TLN2: variants seen among roughly 807,000 people sequenced by gnomAD.
TLN2 encodes the protein talin-2.
Under a neutral mutation model 294.7 loss-of-function variants are expected in TLN2, and 118 were observed. The observed-to-expected ratio is 0.40, with a 90% CI of 0.34 to 0.47. TLN2 has a LOEUF of 0.47. TLN2 is among the 20% of genes least tolerant of loss of function. The probability of loss-of-function intolerance (pLI) is 0.84; values close to 1 mark genes in which losing one functional copy is unlikely to be tolerated. For synonymous variants in TLN2, 1,431 were observed against 1,304.5 expected (o/e 1.10, Z -2.09); for missense variants, 3,083 against 3,282.2 (o/e 0.94, Z 1.48).
At chr15:62,793,255 G>C (rs576243195) in intron 46 of TLN2, among the ~76,000 whole-genome samples, 1 of 152,336 alleles carries the variant, frequency 6.6e-6, no homozygotes, top group African/African-American at 2.4e-5. Flanking sequence ...CAGTGAAGTG[G>C]GGGTGGGTTA....
At chr15:62,544,660 A>C (rs761404012) in intron 1 of TLN2, among the ~76,000 whole-genome samples, 58 of 151,950 alleles carry the variant, frequency 3.8e-4, no homozygotes, top group Non-Finnish European at 1.3e-4. Context: ...TTTTTCCATC[A>C]ACTCTGTCAT....
chr15:62,391,092 T>A (rs1428757445), intron 1 of TLN2, among the ~76,000 whole-genome samples: 8 of 152,068 alleles, frequency 5.3e-5, no homozygotes, highest in Admixed American at 2.0e-4. Flanking sequence ...GCATAGAGTG[T>A]CCCCTCGACC....
intron 12 of TLN2, among the ~76,000 whole-genome samples, chr15:62,689,886 A>AC (rs200050960): frequency 1.7e-4 from 1 of 6,026 alleles, no homozygotes; most frequent in East Asian, 5.7e-3. Flanking sequence ...TTATTGGCTG[A>AC]CCCCCCTTCC....
chr15:62,468,307 T>C (rs2037257431), intron 1 of TLN2, among the ~76,000 whole-genome samples: 1 of 152,178 alleles, frequency 6.6e-6, no homozygotes, highest in South Asian at 2.1e-4. Context: ...AACAGAATGA[T>C]GACAAGGGTG....
intron 1 of TLN2, among the ~76,000 whole-genome samples, chr15:62,396,679 A>G (rs2032577709): frequency 6.6e-6 from 1 of 151,788 alleles, no homozygotes. Context: ...AGGAAGACCA[A>G]CAGTGCAGGG....
chr15:62,714,581 G>A (rs2059651576), intron 22 of TLN2, among the ~76,000 whole-genome samples: 1 of 152,036 alleles, frequency 6.6e-6, no homozygotes, highest in African/African-American at 2.4e-5. Flanking sequence ...TTTCTTCTAA[G>A]TATTCATGTG....
intron 1 of TLN2, among the ~76,000 whole-genome samples, chr15:62,438,282 GTT>G (rs1299389750): frequency 7.0e-6 from 1 of 143,464 alleles, no homozygotes; most frequent in Non-Finnish European, 1.5e-5. Flanking sequence ...TTGGCAGAAT[GTT>G]TAAAGGGAGT....
At chr15:62,576,507 A>G (rs1414035745) in intron 1 of TLN2, among the ~76,000 whole-genome samples, 1 of 151,724 alleles carries the variant, frequency 6.6e-6, no homozygotes, top group Admixed American at 6.6e-5. Context: ...ATCTCATCCA[A>G]GGGGCAGGGA....
chr15:62,559,577 G>A (rs1057427128), intron 1 of TLN2, among the ~76,000 whole-genome samples: 4 of 152,204 alleles, frequency 2.6e-5, no homozygotes, highest in African/African-American at 7.2e-5. Context: ...ATCTAATAGA[G>A]GGTTTGGTCT....
At chr15:62,690,983 C>G (rs549026678) in intron 12 of TLN2, among the ~76,000 whole-genome samples, 15,239 of 141,292 alleles carry the variant, frequency 0.11, 1,590 homozygotes, top group African/African-American at 0.28. Context: ...AGCTTCGGCT[C>G]GGCATCAGAG....
At chr15:62,472,878 G>A (rs891594982) in intron 1 of TLN2, among the ~76,000 whole-genome samples, 1 of 152,224 alleles carries the variant, frequency 6.6e-6, no homozygotes, top group African/African-American at 2.4e-5. Context: ...GGAGAGGCAA[G>A]GAAGCCAGGC....
chr15:62,754,146 A>G, intron 36 of TLN2: 1 of 466,890 alleles, frequency 2.1e-6, no homozygotes, highest in Non-Finnish European at 3.6e-6. Context: ...AAAAGGAGTG[A>G]AGTAATCACA....
At chr15:62,736,830 C>A in intron 28 of TLN2, 48 bp from the exon 29 acceptor site, 1 of 1,589,644 alleles carries the variant, frequency 6.3e-7, no homozygotes, top group Non-Finnish European at 8.6e-7. Context: ...GTAAAATGTG[C>A]CATTTAGATG....
intron 1 of TLN2, among the ~76,000 whole-genome samples, chr15:62,468,053 A>T (rs1244582205): frequency 2.0e-5 from 3 of 152,192 alleles, no homozygotes; most frequent in African/African-American, 7.2e-5. Flanking sequence ...CCAGACCCTT[A>T]AGTTTTCCTT....
Position 62,440,298 on chromosome 15 carries a change from A to G in TLN2, c.-238+49613A>G, listed in dbSNP as rs533917586. On this transcript the variant is annotated intron_variant, in intron 1 of 58. Coordinates refer to ENST00000636159, the MANE Select transcript of TLN2 (RefSeq NM_015059.3). ...CTGAGTTGAAACATTGATTTATGGT[A>G]TGACTTACCTCTTTAAACTCCTTGC... Among the ~76,000 whole-genome samples the G allele has an allele frequency of 1.8e-4, 28 of 152,306 alleles. 1 individual carries two copies. In the South Asian group the frequency reaches 5.8e-3, roughly 32 times the overall value.
Position 62,844,533 on chromosome 15 carries a change from A to T in TLN2, c.*3923A>T, listed in dbSNP as rs2071014814. 6.6e-6 allele frequency: 1 copy of T among 152,114 alleles called. No individual in the cohort carries two copies. The allele number at this position is 152,114 out of a possible 1,614,324, so 9.4% of individuals were successfully genotyped here. On this transcript the variant is annotated 3_prime_UTR_variant, in exon 59 of 59. Coordinates refer to ENST00000636159, the MANE Select transcript of TLN2 (RefSeq NM_015059.3). ...GATCCAGAAGAAAACAGGAACGTTC[A>T]GCTCTGCCCTGTGTCGTATCTAATC... is the stretch of plus-strand genomic sequence containing the variant.
rs149154449 is a variant in TLN2, at chr15:62,736,959, C to T, written c.3440C>T (p.Pro1147Leu). Residue 1147 changes from proline (P) to leucine (L), a missense_variant, in exon 29 of 59, where the codon CCC becomes CTC. Physicochemically the swap from Pro to Leu is moderately conservative, Grantham distance 98. Transcript: ENST00000636159. ...GGAGTGGCTGCATCGACAACCGACC[C>T]CGCGGCCGCCCATGCCATGTTAGAT... Reference protein sequence around the residue: ...ARGVAASTTDPAAAHAMLDSA... With the variant: ...ARGVAASTTDLAAAHAMLDSA... 3.8e-5 allele frequency: 61 copies of T among 1,614,114 alleles called. No homozygotes were observed. The highest frequency in any genetic ancestry group is 4.9e-5 in the Non-Finnish European group (58 of 1,180,054).
chr15:62,838,358 G>A (rs1315416811), intron 57 of TLN2, among the ~76,000 whole-genome samples: 2 of 152,184 alleles, frequency 1.3e-5, no homozygotes, highest in Non-Finnish European at 2.9e-5. Flanking sequence ...CCACAAGCGT[G>A]GTAAAGGCTG....
chr15:62,746,233 G>A (rs1406267390), intron 32 of TLN2, among the ~76,000 whole-genome samples: 2 of 152,166 alleles, frequency 1.3e-5, no homozygotes, highest in Non-Finnish European at 2.9e-5. Context: ...TGTGGAAATA[G>A]CACATATGTT....
Sources: gnomAD v4.1 joint callset for allele counts (sites outside exome capture counted in the v4.1 genomes callset) on GRCh38, gnomAD v4.1.1 for gene constraint, MANE v1.5 for transcripts, NCBI Gene and HGNC (gene_info 2026-07-23, HGNC 2026-07-21) for gene names.